Variants in AK8 observed in about 807,000 individuals in gnomAD.
AK8 encodes ATP-AMP transphosphorylase 8.
Under a neutral mutation model 54.6 loss-of-function variants are expected in AK8, and 44 were observed. The ratio of observed to expected loss-of-function variants is 0.81; its 90% CI spans 0.63 to 1.04. AK8 has a LOEUF of 1.04. AK8 is among the 50% of genes least tolerant of loss of function. The pLI, the probability that AK8 is intolerant of heterozygous loss-of-function variation, is 0.00. For synonymous variants in AK8, 239 were observed against 245.6 expected (o/e 0.97, Z 0.25); for missense variants, 555 against 613.6 (o/e 0.90, Z 1.01).
Position 132,863,662 on chromosome 9 carries a change from T to C in AK8, c.333+3A>G, listed in dbSNP as rs1244003596. Reference sequence around the variant, plus strand: ...CTACCCCTGTCCCCGGGGCCAGTCCTACCTTCCTTTGCAGATAAAGCCTTC... The same window carrying C: ...CTACCCCTGTCCCCGGGGCCAGTCCCACCTTCCTTTGCAGATAAAGCCTTC... On this transcript the variant is annotated splice_donor_region_variant and intron_variant, in intron 4 of 12. Transcript: ENST00000298545. 6.2e-7 allele frequency: 1 copy of C among 1,609,338 alleles called. No individual in the cohort carries two copies. Among genetic ancestry groups the C allele is most frequent in the African/African-American group, 1.3e-5 (1 of 74,806 alleles).
chr9:132,737,390 C>T (rs975769928), intron 11 of AK8, among the ~76,000 whole-genome samples: 6 of 152,162 alleles, frequency 3.9e-5, no homozygotes, highest in African/African-American at 1.4e-4. Context: ...TGATTTTATT[C>T]GTCAGCTTTT....
intron 5 of AK8, among the ~76,000 whole-genome samples, chr9:132,843,771 C>T (rs1842631825): frequency 6.6e-6 from 1 of 152,114 alleles, no homozygotes; most frequent in African/African-American, 2.4e-5. Context: ...ACATCAGTTG[C>T]CTCCAGGGAA....
chr9:132,766,751 C>A (rs1011164012), intron 11 of AK8, among the ~76,000 whole-genome samples: 3 of 151,950 alleles, frequency 2.0e-5, no homozygotes, highest in African/African-American at 7.3e-5. Context: ...CTATAGTAAC[C>A]AAAATAGTAT....
At chr9:132,784,030 A>G (rs1002212182) in intron 11 of AK8, among the ~76,000 whole-genome samples, 3 of 152,240 alleles carry the variant, frequency 2.0e-5, no homozygotes, top group Non-Finnish European at 2.9e-5. Context: ...AAATATTAAT[A>G]TATCTACTGG....
At chr9:132,844,451 C>A (rs926216947) in intron 5 of AK8, among the ~76,000 whole-genome samples, 1 of 152,126 alleles carries the variant, frequency 6.6e-6, no homozygotes, top group African/African-American at 2.4e-5. Context: ...CCCTGTGTAG[C>A]TAAATAATAA....
intron 11 of AK8, 79 bp from the exon 12 acceptor site, chr9:132,727,613 A>G: frequency 1.5e-6 from 2 of 1,366,484 alleles, no homozygotes. Context: ...GGGTCTTGAG[A>G]ATCCTGGAGA....
intron 5 of AK8, among the ~76,000 whole-genome samples, chr9:132,833,133 G>A (rs904212236): frequency 6.6e-6 from 1 of 152,194 alleles, no homozygotes; most frequent in Non-Finnish European, 1.5e-5. Flanking sequence ...CCAAACCTCT[G>A]TTGAAGGCGG....
At chr9:132,805,722 C>T (rs1020441915) in intron 10 of AK8, among the ~76,000 whole-genome samples, 2 of 152,048 alleles carry the variant, frequency 1.3e-5, no homozygotes, top group African/African-American at 4.8e-5. Context: ...ATTCCTAGGC[C>T]CTCCAGCCCC....
intron 5 of AK8, among the ~76,000 whole-genome samples, chr9:132,829,413 T>A (rs1203224360): frequency 6.6e-6 from 1 of 152,140 alleles, no homozygotes; most frequent in East Asian, 1.9e-4. Context: ...ACATTTCAAC[T>A]GCGGGCAGTG....
intron 11 of AK8, among the ~76,000 whole-genome samples, chr9:132,780,151 G>A (rs1178599411): frequency 4.6e-5 from 7 of 152,180 alleles, no homozygotes; most frequent in Admixed American, 2.6e-4. Flanking sequence ...GCTGTTTCAC[G>A]GCAGTCAGAG....
intron 11 of AK8, among the ~76,000 whole-genome samples, chr9:132,735,028 C>G (rs1251221380): frequency 6.6e-6 from 1 of 152,186 alleles, no homozygotes; most frequent in Non-Finnish European, 1.5e-5. Context: ...AAGACTCCAT[C>G]TCTAAATAAC....
At chr9:132,878,399 C>A, upstream of AK8, 1 of 1,242,104 alleles carries the variant, frequency 8.1e-7, no homozygotes, top group Non-Finnish European at 1.0e-6. This position sits in a 1 kb window ranked among gnomAD's most constrained non-coding sequence, Gnocchi z 4.7. Context: ...GGGTCGCCCC[C>A]GCCCCGACCT....
chr9:132,853,674 T>C (rs867732426), intron 5 of AK8, among the ~76,000 whole-genome samples: 3 of 146,652 alleles, frequency 2.0e-5, no homozygotes, highest in African/African-American at 5.0e-5. Context: ...CAGTTCCAGC[T>C]ACTGGGGAGG....
At chr9:132,735,866 G>A (rs773261506) in intron 11 of AK8, among the ~76,000 whole-genome samples, 19 of 152,328 alleles carry the variant, frequency 1.2e-4, no homozygotes, top group Non-Finnish European at 2.1e-4. Flanking sequence ...ACAGTCATGC[G>A]TTGCTTAATA....
chr9:132,850,225 T>TA, intron 5 of AK8, among the ~76,000 whole-genome samples: 1 of 147,938 alleles, frequency 6.8e-6, no homozygotes, highest in South Asian at 2.2e-4. Context: ...AGCTAATTTT[T>TA]TTTTTTTTTT....
chr9:132,820,776 T>C (rs1485009430), intron 9 of AK8, among the ~76,000 whole-genome samples: 1 of 152,150 alleles, frequency 6.6e-6, no homozygotes, highest in Non-Finnish European at 1.5e-5. Context: ...GGCTGAGAGA[T>C]TCACAGATGT....
At chr9:132,863,878 G>T (rs1843487560) in intron 3 of AK8, 100 bp from the exon 4 acceptor site, 10 of 923,352 alleles carry the variant, frequency 1.1e-5, no homozygotes, top group African/African-American at 1.7e-5. Flanking sequence ...TATGGGAAAA[G>T]GTTGGCCATG....
intron 9 of AK8, among the ~76,000 whole-genome samples, chr9:132,819,726 A>G (rs1445727890): frequency 6.6e-6 from 1 of 151,898 alleles, no homozygotes; most frequent in Non-Finnish European, 1.5e-5. Context: ...CTATTTTTTT[A>G]AGTACACTTG....
At chr9:132,755,014 G>A (rs1838121147) in intron 11 of AK8, among the ~76,000 whole-genome samples, 1 of 152,060 alleles carries the variant, frequency 6.6e-6, no homozygotes, top group African/African-American at 2.4e-5. Context: ...GGCCAGGCTG[G>A]TCTCGAACTC....
Sources: gnomAD v4.1 joint callset for allele counts (sites outside exome capture counted in the v4.1 genomes callset) on GRCh38, gnomAD v4.1.1 for gene constraint, Gnocchi (gnomAD v3.1) non-coding constraint, MANE v1.5 for transcripts, NCBI Gene and HGNC (gene_info 2026-07-23, HGNC 2026-07-21) for gene names.